Variants in PDPR observed in about 807,000 individuals in gnomAD.
PDPR encodes the protein pyruvate dehydrogenase phosphatase regulatory subunit.
In PDPR, 50 loss-of-function variants were observed where a neutral mutation model predicts 102.2. The ratio of observed to expected loss-of-function variants is 0.49; its 90% CI spans 0.39 to 0.62. The LOEUF is 0.62. Among genes scored for constraint, PDPR ranks in the 20% least tolerant of loss-of-function variants. The probability of loss-of-function intolerance (pLI) is 0.00; values close to 1 mark genes in which losing one functional copy is unlikely to be tolerated. For synonymous variants in PDPR, 259 were observed against 406.0 expected (o/e 0.64, Z 4.35); for missense variants, 625 against 1,098.2 (o/e 0.57, Z 6.09).
intron 17 of PDPR, among the ~76,000 whole-genome samples, chr16:70,152,477 C>T (rs1966811418): frequency 1.3e-5 from 2 of 152,280 alleles, no homozygotes; most frequent in Admixed American, 1.3e-4. Flanking sequence ...GAGATCGCGC[C>T]ACTTCACTCT....
chr16:70,156,492 T>C lies in PDPR; in HGVS notation c.2253T>C (p.Gly751=), dbSNP rs762967221. The change falls in exon 19 of 19, where the codon GGT becomes GGC. Residue 751 remains glycine (G), a synonymous_variant. Transcript: ENST00000288050. ...TTTCTTAGGGCATGGATTTCATTGG[T>C]CGCGACGCCCTCCTGCAGCAGAAGC... ...VKLEKGMDFI[G]RDALLQQKQN... The C allele has an allele frequency of 1.2e-6, 2 of 1,613,782 alleles. No individual in the cohort carries two copies. The highest frequency in any genetic ancestry group is 3.3e-5 in the Admixed American group (2 of 60,022).
At chr16:70,153,223 A>G (rs1168402589) in intron 17 of PDPR, among the ~76,000 whole-genome samples, 168 bp from the exon 18 acceptor site, 1 of 152,284 alleles carries the variant, frequency 6.6e-6, no homozygotes, top group Non-Finnish European at 1.5e-5. Flanking sequence ...ACCCCAGCTC[A>G]TCACTCCTGG....
intron 17 of PDPR, among the ~76,000 whole-genome samples, chr16:70,150,651 G>T (rs1468365289): frequency 6.6e-6 from 1 of 152,178 alleles, no homozygotes; most frequent in Non-Finnish European, 1.5e-5. Context: ...GGGACTACAA[G>T]CATGTGCCAA....
rs1469607880 is a variant in PDPR, at chr16:70,159,121, C to T, written c.*2242C>T. The T allele has an allele frequency of 4.6e-5, 7 of 152,338 alleles. No homozygotes were observed. The highest frequency in any genetic ancestry group is 1.4e-4 in the African/African-American group (6 of 41,474). The allele number at this position is 152,338 out of a possible 1,614,324, so 9.4% of individuals were successfully genotyped here. ...AATAGAAGCTTCATCAGAAATGTAT[C>T]CCACATAGAGTTTTAAGACTTGGAT... On this transcript the variant is annotated 3_prime_UTR_variant, in exon 19 of 19. Transcript: ENST00000288050.
chr16:70,161,257 G>A lies in PDPR; in HGVS notation c.*4378G>A, dbSNP rs1204963173. The A allele has an allele frequency of 2.1e-5, 3 of 145,566 alleles. No individual in the cohort carries two copies. The highest frequency in any genetic ancestry group is 4.1e-4 in the East Asian group (2 of 4,842). The allele number at this position is 145,566 out of a possible 1,614,324, so 9.0% of individuals were successfully genotyped here. A position where few individuals can be genotyped will look rare whatever the true frequency, so the allele number is the denominator to read the frequency against. ...GATTGCACCACTGCACTCCAGCCTG[G>A]GTAACAGAGTGAGACTCTTGTCTCA... is the stretch of plus-strand genomic sequence containing the variant. On this transcript the variant is annotated 3_prime_UTR_variant, in exon 19 of 19. Coordinates refer to ENST00000288050, the MANE Select transcript of PDPR (RefSeq NM_017990.5).
rs1368855836 is a variant in PDPR, at chr16:70,160,181, A to G, written c.*3302A>G. Reference sequence around the variant, plus strand: ...AAATGTCTTTAATTACCTCCCCTTCATCGTCAGGCCACGTGTGACTTCTGT... The same window carrying G: ...AAATGTCTTTAATTACCTCCCCTTCGTCGTCAGGCCACGTGTGACTTCTGT... On this transcript the variant is annotated 3_prime_UTR_variant, in exon 19 of 19. Coordinates refer to ENST00000288050, the MANE Select transcript of PDPR (RefSeq NM_017990.5). The G allele has an allele frequency of 1.3e-5, 2 of 152,786 alleles. No homozygotes were observed. The highest frequency in any genetic ancestry group is 2.4e-5 in the African/African-American group (1 of 41,466). The allele number at this position is 152,786 out of a possible 1,614,324, so 9.5% of individuals were successfully genotyped here. A position where few individuals can be genotyped will look rare whatever the true frequency, so the allele number is the denominator to read the frequency against.
intron 2 of PDPR, among the ~76,000 whole-genome samples, chr16:70,115,750 C>T (rs945544382): frequency 1.3e-5 from 2 of 152,034 alleles, no homozygotes; most frequent in African/African-American, 4.8e-5. Flanking sequence ...GGTTGTTTAG[C>T]AGAAGTTATT....
chr16:70,114,985 T>C (rs1439188362), intron 2 of PDPR, 55 bp downstream of exon 2: 2 of 152,206 alleles, frequency 1.3e-5, no homozygotes, highest in African/African-American at 4.8e-5. Flanking sequence ...ATACCTCGGA[T>C]TTGAATCAAG....
chr16:70,159,211 C>A lies in PDPR; in HGVS notation c.*2332C>A, dbSNP rs2152126223. Reference sequence around the variant, plus strand: ...ATTGACACGTTTTTAATTAGCTGTCCTTTGTAAGAAGTCAGGAAATCTGAT... The same window carrying A: ...ATTGACACGTTTTTAATTAGCTGTCATTTGTAAGAAGTCAGGAAATCTGAT... On this transcript the variant is annotated 3_prime_UTR_variant, in exon 19 of 19. Transcript: ENST00000288050. 1 of 152,466 alleles carries A rather than the reference C, an allele frequency of 6.6e-6. No individual in the cohort carries two copies. The highest frequency in any genetic ancestry group is 2.1e-4 in the South Asian group (1 of 4,830). 9.4% of individuals were successfully genotyped at this position (152,466 alleles called of 1,614,324 possible).
chr16:70,154,344 A>G (rs537256034), intron 18 of PDPR, among the ~76,000 whole-genome samples: 141 of 152,246 alleles, frequency 9.3e-4, no homozygotes, highest in African/African-American at 3.1e-3. Context: ...AAGAAAACAT[A>G]GTAAATAGAT....
chr16:70,136,273 G>C lies in PDPR; in HGVS notation c.1077G>C (p.Glu359Asp), dbSNP rs751665373. Reference protein sequence around the residue: ...LEIMKLVNCPETFTPDMRCIM... With the variant: ...LEIMKLVNCPDTFTPDMRCIM... ...TCATGAAGTTGGTGAACTGCCCAGA[G>C]ACCTTCACACCAGACATGAGGTGCA... The change falls in exon 10 of 19, where the codon GAG becomes GAC. Residue 359 changes from glutamate to aspartate, a missense_variant. By Grantham distance (45) the Glu-to-Asp change is conservative. This residue lies in a region of PDPR where 50 missense variants were observed against 79.9 expected (regional missense o/e 0.63). Coordinates refer to ENST00000288050, the MANE Select transcript of PDPR (RefSeq NM_017990.5). 6.2e-7 allele frequency: 1 copy of C among 1,613,516 alleles called. No homozygotes were observed.
At chr16:70,147,566 A>G (rs2152112428) in intron 16 of PDPR, 2 of 451,298 alleles carry the variant, frequency 4.4e-6, no homozygotes, top group Non-Finnish European at 8.9e-6. Flanking sequence ...AGTGAAACAA[A>G]CTGTAACCGA....
At chr16:70,126,548 A>G (rs574747171) in intron 3 of PDPR, among the ~76,000 whole-genome samples, 208 of 152,130 alleles carry the variant, frequency 1.4e-3, no homozygotes, top group Non-Finnish European at 2.4e-3. Flanking sequence ...TATTTTTTGT[A>G]GAGACGGGGT....
chr16:70,144,885 G>A (rs1206858000), intron 15 of PDPR, among the ~76,000 whole-genome samples: 3 of 151,964 alleles, frequency 2.0e-5, no homozygotes, highest in Non-Finnish European at 1.5e-5. Flanking sequence ...AACCCAGGAG[G>A]CAGAGGTTGC....
chr16:70,126,276 A>G (rs1597310680), intron 3 of PDPR, among the ~76,000 whole-genome samples: 3 of 152,386 alleles, frequency 2.0e-5, no homozygotes, highest in East Asian at 1.9e-4. Context: ...TAGTGGCACA[A>G]TGCTAGCTCA....
rs376113956 is a variant in PDPR, at chr16:70,156,748, C to T, written c.2509C>T (p.Arg837Trp). The change falls in exon 19 of 19, where the codon CGG becomes TGG. Residue 837 changes from arginine to tryptophan, a missense_variant. Physicochemically the swap from Arg to Trp is moderately radical, Grantham distance 101. Around this residue, in one of 11 missense-constraint regions of PDPR, gnomAD observed 303 missense variants for 258.9 expected, o/e 1.17. Transcript: ENST00000288050. Reference protein sequence around the residue: ...EQVVTADFINRGEYEIDIAGY... With the variant: ...EQVVTADFINWGEYEIDIAGY... ...AGTGGTGACAGCAGATTTCATCAACCGGGGAGAGTATGAGATTGACATCGC... is the reference window on the plus strand; with the variant it reads ...AGTGGTGACAGCAGATTTCATCAACTGGGGAGAGTATGAGATTGACATCGC... 67 of 1,614,066 alleles carry T rather than the reference C, an allele frequency of 4.2e-5. No homozygotes were observed. Among genetic ancestry groups the T allele is most frequent in the African/African-American group, 3.1e-4 (23 of 75,072 alleles).
chr16:70,154,355 G>C (rs1172272552), intron 18 of PDPR, among the ~76,000 whole-genome samples: 1 of 152,022 alleles, frequency 6.6e-6, no homozygotes, highest in Non-Finnish European at 1.5e-5. Flanking sequence ...GTAAATAGAT[G>C]ACACTTGGTC....
chr16:70,154,116 A>G (rs1196796861), intron 18 of PDPR, among the ~76,000 whole-genome samples: 2 of 152,274 alleles, frequency 1.3e-5, no homozygotes, highest in South Asian at 2.1e-4. Flanking sequence ...AGATCACGCC[A>G]CTGCACTCCA....
chr16:70,139,337 T>C (rs1256258141), intron 11 of PDPR, among the ~76,000 whole-genome samples: 1 of 152,240 alleles, frequency 6.6e-6, no homozygotes, highest in East Asian at 1.9e-4. Context: ...AGAGACCGTA[T>C]GTCGAAGTGC....
Sources: gnomAD v4.1 joint callset for allele counts (sites outside exome capture counted in the v4.1 genomes callset) on GRCh38, gnomAD v4.1.1 for gene constraint, gnomAD v4.1.1 regional missense constraint, MANE v1.5 for transcripts, NCBI Gene and HGNC (gene_info 2026-07-23, HGNC 2026-07-21) for gene names.